PEX7: variants seen among roughly 807,000 people sequenced by gnomAD.
PEX7 encodes PTS2 receptor.
In PEX7, 34 loss-of-function variants were observed where a neutral mutation model predicts 47.5. That is an observed-to-expected ratio of 0.72 (90% CI 0.54 to 0.95). The LOEUF is 0.95. PEX7 is among the 40% of genes least tolerant of loss of function. The pLI, the probability that PEX7 is intolerant of heterozygous loss-of-function variation, is 0.00. For missense variants in PEX7, 394 were observed against 400.3 expected (o/e 0.98, Z 0.13); for synonymous variants, 141 against 148.8 (o/e 0.95, Z 0.38).
chr6:136,822,793 CG>C lies in PEX7; in HGVS notation c.130+1del. On this transcript the variant is annotated frameshift_variant and splice_region_variant, in exon 1 of 10. Transcript: ENST00000318471. LOFTEE classifies it high-confidence loss of function. Reference protein sequence around the residue: ...ACATAQHYGIAGCGTLLILDP... With the variant: ...ACATAQHYGIXGCGTLLILDP... ...GCCACCGCGCAGCACTACGGCATCG[CG>C]GGTGAGGCGGCGCCGCGCAGCTGGG... 1 of 1,316,912 alleles carries C rather than the reference CG, an allele frequency of 7.6e-7. No individual in the cohort carries two copies. The allele number at this position is 1,316,912 out of a possible 1,614,324, so 81.6% of individuals were successfully genotyped here.
chr6:136,834,786 T>C (rs2115147791), intron 3 of PEX7, among the ~76,000 whole-genome samples: 1 of 152,332 alleles, frequency 6.6e-6, no homozygotes, highest in Non-Finnish European at 1.5e-5. Context: ...AAACAGGACA[T>C]ACATGTATAG....
chr6:136,826,086 T>G (rs1028456480), intron 2 of PEX7, among the ~76,000 whole-genome samples: 1 of 152,218 alleles, frequency 6.6e-6, no homozygotes, highest in African/African-American at 2.4e-5. Flanking sequence ...ACTATTACAT[T>G]TTTGGACTAC....
intron 9 of PEX7, among the ~76,000 whole-genome samples, chr6:136,901,819 C>G (rs1484237697): frequency 6.6e-6 from 1 of 152,144 alleles, no homozygotes; most frequent in Admixed American, 6.6e-5. Context: ...GAATGTTGCT[C>G]TTGTTGCCCA....
intron 8 of PEX7, among the ~76,000 whole-genome samples, chr6:136,894,249 G>T (rs1441502896): frequency 6.6e-6 from 1 of 152,136 alleles, no homozygotes; most frequent in African/African-American, 2.4e-5. Flanking sequence ...ACAAGGTCAG[G>T]AGTTCGAGAC....
At chr6:136,836,178 T>C (rs1774381119) in intron 3 of PEX7, among the ~76,000 whole-genome samples, 1 of 152,200 alleles carries the variant, frequency 6.6e-6, no homozygotes, top group African/African-American at 2.4e-5. Context: ...CAAGCTAATA[T>C]GAGGTGAAAT....
intron 3 of PEX7, among the ~76,000 whole-genome samples, chr6:136,841,860 A>G (rs569821093): frequency 5.0e-4 from 76 of 151,394 alleles, no homozygotes; most frequent in Middle Eastern, 6.9e-3. Context: ...TGCTGGGATT[A>G]CAGGCATGAG....
At chr6:136,866,130 T>C (rs1292625253) in intron 5 of PEX7, among the ~76,000 whole-genome samples, 1 of 147,938 alleles carries the variant, frequency 6.8e-6, no homozygotes, top group Non-Finnish European at 1.5e-5. Flanking sequence ...ATTTTTTAGC[T>C]TTTTTTTTTG....
intron 3 of PEX7, among the ~76,000 whole-genome samples, chr6:136,837,723 G>A (rs1774417524): frequency 1.3e-5 from 2 of 151,736 alleles, no homozygotes; most frequent in South Asian, 4.2e-4. Context: ...CATATCAAAG[G>A]TTTAGAAGGT....
At chr6:136,848,249 C>T (rs371929392) in intron 5 of PEX7, among the ~76,000 whole-genome samples, 83 of 152,270 alleles carry the variant, frequency 5.5e-4, no homozygotes, top group Admixed American at 1.8e-3. Context: ...TGGGCTGAGA[C>T]GGTGGGGTTT....
At chr6:136,866,378 C>T (rs1775072362) in intron 5 of PEX7, among the ~76,000 whole-genome samples, 1 of 152,144 alleles carries the variant, frequency 6.6e-6, no homozygotes, top group Non-Finnish European at 1.5e-5. Context: ...TTAGTCAATA[C>T]TGTGTTTATC....
At chr6:136,869,123 C>T (rs1775127032) in intron 6 of PEX7, among the ~76,000 whole-genome samples, 3 of 152,314 alleles carry the variant, frequency 2.0e-5, no homozygotes, top group Non-Finnish European at 4.4e-5. Flanking sequence ...GATGAGGTCT[C>T]ACTGTTGCCC....
At position 136,900,842 on chromosome 6, in the gene PEX7, T is replaced by G; in HGVS notation, c.903+2601T>G. On this transcript the variant is annotated intron_variant, in intron 9 of 9. Transcript: ENST00000318471. The surrounding 1 kb of genome is among the most constrained non-coding windows in gnomAD (Gnocchi z 4.2). Reference sequence around the variant, plus strand: ...GCCTGGGCCAAGTCTCTGCCTCTTCTCTTGCTTTGTCTCTGGTCTGTATTA... The same window carrying G: ...GCCTGGGCCAAGTCTCTGCCTCTTCGCTTGCTTTGTCTCTGGTCTGTATTA... 3.2e-6 allele frequency: 1 copy of G among 316,666 alleles called. No individual in the cohort carries two copies. The highest frequency in any genetic ancestry group is 6.0e-6 in the Non-Finnish European group (1 of 166,344). The allele number at this position is 316,666 out of a possible 1,614,324, so 19.6% of individuals were successfully genotyped here.
Position 136,890,821 on chromosome 6 carries a change from T to A in PEX7, c.804-7321T>A, listed in dbSNP as rs1190762102. On this transcript the variant is annotated intron_variant, in intron 8 of 9. Coordinates refer to ENST00000318471, the MANE Select transcript of PEX7 (RefSeq NM_000288.4). ...GGGGTGAAGTTCTAAAGCAACCCCA[T>A]GTGGTCACATTATCCACTGGTGAAA... Among the ~76,000 whole-genome samples the A allele has an allele frequency of 2.0e-5, 3 of 152,306 alleles. No homozygotes were observed. The East Asian group carries it at 5.8e-4, about 29-fold the overall frequency.
rs577353171 is a variant in PEX7 at position 136,877,579 on chromosome 6, C to T, written c.803+5326C>T. 4.6e-5 allele frequency among the ~76,000 whole-genome samples: 7 copies of T among 152,212 alleles called. No homozygotes were observed. In the South Asian group the frequency reaches 1.4e-3, roughly 32 times the overall value. On this transcript the variant is annotated intron_variant, in intron 8 of 9. Transcript: ENST00000318471. ...CATTTATTAAATAGGGAAACCTTCC[C>T]CCATTGCTTGTTTTTGTCAGGTTTG...
At chr6:136,833,165 C>T (rs1774324353) in intron 3 of PEX7, among the ~76,000 whole-genome samples, 1 of 152,122 alleles carries the variant, frequency 6.6e-6, no homozygotes, top group South Asian at 2.1e-4. Context: ...TTCTGCATGA[C>T]TGGGGAGGCC....
At chr6:136,864,272 T>TG (rs920326959) in intron 5 of PEX7, among the ~76,000 whole-genome samples, 6 of 151,574 alleles carry the variant, frequency 4.0e-5, no homozygotes, top group African/African-American at 1.5e-4. Flanking sequence ...TTGTTATTAT[T>TG]GGGGGGACAT....
chr6:136,870,825 T>C (rs1476070174), intron 7 of PEX7: 1 of 353,092 alleles, frequency 2.8e-6, no homozygotes. Context: ...GCCTACTGAG[T>C]AGCTGGGACT....
At chr6:136,863,133 T>C (rs1479331058) in intron 5 of PEX7, among the ~76,000 whole-genome samples, 1 of 152,258 alleles carries the variant, frequency 6.6e-6, no homozygotes, top group African/African-American at 2.4e-5. Context: ...TTTTGGTACT[T>C]TCAAACTTAT....
intron 8 of PEX7, among the ~76,000 whole-genome samples, chr6:136,890,052 A>G (rs565154127): frequency 2.0e-5 from 3 of 152,338 alleles, no homozygotes; most frequent in African/African-American, 7.2e-5. Flanking sequence ...CAGAGAGCAT[A>G]AGGATGAATA....
Sources: gnomAD v4.1 joint callset for allele counts (sites outside exome capture counted in the v4.1 genomes callset) on GRCh38, gnomAD v4.1.1 for gene constraint, Gnocchi (gnomAD v3.1) non-coding constraint, MANE v1.5 for transcripts, NCBI Gene and HGNC (gene_info 2026-07-23, HGNC 2026-07-21) for gene names.